Variants in GNAI2 observed in about 807,000 individuals in gnomAD.
GNAI2 encodes the protein guanine nucleotide-binding protein G(i) subunit alpha-2.
Under a neutral mutation model 36.8 loss-of-function variants are expected in GNAI2, and 4 were observed. That is an observed-to-expected ratio of 0.11 (90% CI 0.05 to 0.25). The LOEUF (loss-of-function observed/expected upper bound fraction) is 0.25, where lower values mean the gene tolerates loss of function less well. GNAI2 is among the 10% of genes least tolerant of loss of function. The pLI is 1.00. For missense variants in GNAI2, 230 were observed against 481.3 expected, an observed-to-expected ratio of 0.48 and a Z score of 4.89; for synonymous variants, 194 against 194.1, an observed-to-expected ratio of 1.00 and a Z score of 0.01.
chr3:50,227,397 A>G, upstream of GNAI2: 1 of 376,074 alleles, frequency 2.7e-6, no homozygotes, highest in Non-Finnish European at 4.7e-6. The surrounding 1 kb of genome is among the most constrained non-coding windows in gnomAD (Gnocchi z 5.9). Context: ...ACAGGAGAGC[A>G]GGCAAGGCGG....
At chr3:50,228,206 T>C (rs886064671), upstream of GNAI2, among the ~76,000 whole-genome samples, 1 of 152,190 alleles carries the variant, frequency 6.6e-6, no homozygotes, top group Admixed American at 6.5e-5. Context: ...ATCTCTCTTA[T>C]CCTCAGGTTC....
upstream of GNAI2, chr3:50,230,344 C>A (rs1370902746): frequency 2.0e-5 from 3 of 152,262 alleles, no homozygotes; most frequent in Non-Finnish European, 2.9e-5. Context: ...GCAGTAGCTG[C>A]AAGGCTGTGA....
chr3:50,251,316 T>A (rs889040450), intron 1 of GNAI2: 96 of 949,138 alleles, frequency 1.0e-4, no homozygotes, highest in Admixed American at 3.7e-4. Context: ...CAGTATCTGC[T>A]GTGACTAATA....
At chr3:50,248,704 G>A (rs587639376) in intron 1 of GNAI2, among the ~76,000 whole-genome samples, 1 of 152,274 alleles carries the variant, frequency 6.6e-6, no homozygotes, top group South Asian at 2.1e-4. Flanking sequence ...GGGGCTCCAT[G>A]ACCTTGATTT....
upstream of GNAI2, among the ~76,000 whole-genome samples, chr3:50,231,283 T>G (rs1473914641): frequency 6.6e-6 from 1 of 152,056 alleles, no homozygotes; most frequent in Non-Finnish European, 1.5e-5. Flanking sequence ...ATTGATGGAT[T>G]GATTGATTGA....
chr3:50,252,284 C>T lies in GNAI2; in HGVS notation c.162-113C>T, dbSNP rs1700578566. ...GAGAAGCAGAAGGACCCTCAGGTCC[C>T]AGTGGGTCAGGGGCAGTTTTCCCTT... On this transcript the variant is annotated intron_variant, in intron 2 of 8. Transcript: ENST00000313601. This position sits in a 1 kb window ranked among gnomAD's most constrained non-coding sequence, Gnocchi z 4.1. 6 of 1,401,718 alleles carry T rather than the reference C, an allele frequency of 4.3e-6. No homozygotes were observed. The Admixed American group carries it at 8.5e-5, about 20-fold the overall frequency. 86.8% of individuals were successfully genotyped at this position (1,401,718 alleles called of 1,614,324 possible). A position where few individuals can be genotyped will look rare whatever the true frequency, so the allele number is the denominator to read the frequency against.
At position 50,255,743 on chromosome 3, in the gene GNAI2, G is replaced by A. The variant is rs1700678497; in HGVS notation, c.465-449G>A. Among the ~76,000 whole-genome samples, 1 of 152,040 alleles carries A rather than the reference G, an allele frequency of 6.6e-6. No individual in the cohort carries two copies. The highest frequency in any genetic ancestry group is 1.5e-5 in the Non-Finnish European group (1 of 68,002). On this transcript the variant is annotated intron_variant, in intron 4 of 8. Transcript: ENST00000313601. This position sits in a 1 kb window ranked among gnomAD's most constrained non-coding sequence, Gnocchi z 4.0. The stretch of plus-strand genomic sequence containing the variant: ...TGAGCAATGAGGTAATGCAGGCAGG[G>A]GTTAAAGAAACAAGGGCTGTGCCTA...
chr3:50,252,033 G>A lies in GNAI2; in HGVS notation c.119-67G>A. The A allele has an allele frequency of 1.4e-6, 2 of 1,469,202 alleles. No individual in the cohort carries two copies. Among genetic ancestry groups the A allele is most frequent in the Admixed American group, 3.4e-5 (2 of 58,378 alleles). The allele number at this position is 1,469,202 out of a possible 1,614,324, so 91.0% of individuals were successfully genotyped here. On this transcript the variant is annotated intron_variant, in intron 1 of 8. Coordinates refer to ENST00000313601, the MANE Select transcript of GNAI2 (RefSeq NM_002070.4). The surrounding 1 kb of genome is among the most constrained non-coding windows in gnomAD (Gnocchi z 4.1). ...TGCCTCCTGGGCTACAGGTGTCTGG[G>A]CATTTGTTCTGTGCCTGTGGAGCCC...
rs919217598 is a variant in GNAI2 at position 50,236,963 on chromosome 3, C to A, written c.118+510C>A. ...TCCCTAGTCTGGAATCTGTATCCTC[C>A]ACCTGTGCACTCTGACCCAAGGAAC... is the stretch of plus-strand genomic sequence containing the variant. On this transcript the variant is annotated intron_variant, in intron 1 of 8. Transcript: ENST00000313601. This position sits in a 1 kb window ranked among gnomAD's most constrained non-coding sequence, Gnocchi z 4.0. Among the ~76,000 whole-genome samples the A allele has an allele frequency of 5.3e-5, 8 of 152,182 alleles. No homozygotes were observed. Among genetic ancestry groups the A allele is most frequent in the Non-Finnish European group, 8.8e-5 (6 of 68,032 alleles).
chr3:50,247,380 C>G (rs587756417), intron 1 of GNAI2, among the ~76,000 whole-genome samples: 1 of 152,350 alleles, frequency 6.6e-6, no homozygotes, highest in South Asian at 2.1e-4. Context: ...GGCTTGACAG[C>G]TCTGCCCAGG....
chr3:50,246,995 C>G (rs1700440064), intron 1 of GNAI2: 7 of 1,381,150 alleles, frequency 5.1e-6, no homozygotes, highest in Non-Finnish European at 7.0e-6. Flanking sequence ...TTCATCTGCT[C>G]TTTATCTGAA....
chr3:50,228,992 C>T (rs1008286426), upstream of GNAI2: 3 of 152,180 alleles, frequency 2.0e-5, no homozygotes, highest in Admixed American at 6.5e-5. Context: ...GCCCCTGAGC[C>T]CAGCTGGCAA....
Position 50,253,118 on chromosome 3 carries a change from C to T in GNAI2, c.398C>T (p.Ala133Val), listed in dbSNP as rs1553702777. Residue 133 changes from alanine (A) to valine (V), a missense_variant, in exon 4 of 9, where the codon GCT (alanine) becomes GTT (valine). Coordinates refer to ENST00000313601, the MANE Select transcript of GNAI2 (RefSeq NM_002070.4). This position sits in a 1 kb window ranked among gnomAD's most constrained non-coding sequence, Gnocchi z 4.2. ...TCCGGCGTCATCCGGAGGCTCTGGGCTGACCATGGTGTGCAGGCCTGCTTT... is the reference window on the plus strand; with the variant it reads ...TCCGGCGTCATCCGGAGGCTCTGGGTTGACCATGGTGTGCAGGCCTGCTTT... ...DLSGVIRRLW[A>V]DHGVQACFGR... is the part of the protein sequence containing the mutation. 6.2e-6 allele frequency: 10 copies of T among 1,613,600 alleles called. No homozygotes were observed. The highest frequency in any genetic ancestry group is 8.5e-6 in the Non-Finnish European group (10 of 1,179,822).
chr3:50,252,913 C>G lies in GNAI2; in HGVS notation c.304-111C>G, dbSNP rs1700598843. Reference sequence around the variant, plus strand: ...AAAAGGTTTTAGGGCAAGTCTCATCCTAGGGAATCCAAGAATACCCTAGCC... The same window carrying G: ...AAAAGGTTTTAGGGCAAGTCTCATCGTAGGGAATCCAAGAATACCCTAGCC... On this transcript the variant is annotated intron_variant, in intron 3 of 8. Coordinates refer to ENST00000313601, the MANE Select transcript of GNAI2 (RefSeq NM_002070.4). The surrounding 1 kb of genome is among the most constrained non-coding windows in gnomAD (Gnocchi z 4.1). 1 of 846,580 alleles carries G rather than the reference C, an allele frequency of 1.2e-6. No individual in the cohort carries two copies. Among genetic ancestry groups the G allele is most frequent in the Non-Finnish European group, 1.9e-6 (1 of 539,908 alleles). The allele number at this position is 846,580 out of a possible 1,614,324, so 52.4% of individuals were successfully genotyped here.
rs782434967 is a variant in GNAI2, at chr3:50,257,610, A to T, written c.988A>T (p.Thr330Ser). The T allele has an allele frequency of 6.2e-7, 1 of 1,611,292 alleles. No homozygotes were observed. Among genetic ancestry groups the T allele is most frequent in the Non-Finnish European group, 8.5e-7 (1 of 1,178,290 alleles). ...IYTHFTCATD[T>S]KNVQFVFDAV... ...CACGCACTTCACGTGCGCCACCGAC[A>T]CCAAGAACGTGCAGTTCGTGTTTGA... is the stretch of plus-strand genomic sequence containing the variant. The change falls in exon 8 of 9, where the codon ACC becomes TCC. Residue 330 changes from threonine to serine, a missense_variant. Transcript: ENST00000313601.
chr3:50,237,648 C>A (rs1700207363), intron 1 of GNAI2, among the ~76,000 whole-genome samples: 1 of 152,142 alleles, frequency 6.6e-6, no homozygotes, highest in South Asian at 2.1e-4. Flanking sequence ...GCCAGGGTGC[C>A]TCTGAGCATC....
At position 50,252,113 on chromosome 3, in the gene GNAI2, A is replaced by G; in HGVS notation, c.132A>G (p.Ser44=). The stretch of plus-strand genomic sequence containing the variant: ...CCTCTGTTCCAGGTGCTGGGGAGTC[A>G]GGGAAGAGCACCATCGTCAAGCAGA... ...VKLLLLGAGE[S]GKSTIVKQMK... The change falls in exon 2 of 9, where the codon TCA becomes TCG. Residue 44 remains serine, a synonymous_variant. Coordinates refer to ENST00000313601, the MANE Select transcript of GNAI2 (RefSeq NM_002070.4). The surrounding 1 kb of genome is among the most constrained non-coding windows in gnomAD (Gnocchi z 4.1). 1 of 1,613,812 alleles carries G rather than the reference A, an allele frequency of 6.2e-7. No homozygotes were observed. The highest frequency in any genetic ancestry group is 1.1e-5 in the South Asian group (1 of 91,062).
At chr3:50,250,712 CT>C (rs1281388324) in intron 1 of GNAI2, among the ~76,000 whole-genome samples, 3 of 152,286 alleles carry the variant, frequency 2.0e-5, no homozygotes, top group South Asian at 2.1e-4. Context: ...GGTGGCCCCC[CT>C]GGTCCTTCTT....
chr3:50,231,904 C>T (rs75091386), upstream of GNAI2, among the ~76,000 whole-genome samples: 336 of 152,128 alleles, frequency 2.2e-3, 1 homozygote, highest in African/African-American at 7.8e-3. Flanking sequence ...TTACAGAAAT[C>T]GCTACTATTG....
Sources: allele counts gnomAD v4.1 joint callset (sites outside exome capture counted in the v4.1 genomes callset), GRCh38; gene constraint gnomAD v4.1.1; non-coding constraint Gnocchi (gnomAD v3.1); transcripts MANE v1.5; gene names NCBI Gene and HGNC (gene_info 2026-07-23, HGNC 2026-07-21).